AGBL1: variants seen among roughly 807,000 people sequenced by gnomAD.
AGBL1 encodes the protein AGBL carboxypeptidase 1.
AGBL1 carries 130 observed loss-of-function variants against 118.9 expected under a neutral mutation model. The observed-to-expected ratio is 1.09, with a 90% CI of 0.95 to 1.26. AGBL1 has a LOEUF of 1.26. AGBL1 is among the 50% of genes most tolerant of loss of function. The probability of loss-of-function intolerance (pLI) is 0.00; values close to 1 mark genes in which losing one functional copy is unlikely to be tolerated. For synonymous variants in AGBL1, 555 were observed against 478.9 expected (o/e 1.16, Z -2.08); for missense variants, 1,584 against 1,298.1 (o/e 1.22, Z -3.38).
At chr15:86,546,188 T>C in intron 20 of AGBL1, 55 bp downstream of exon 20, 3 of 1,544,774 alleles carry the variant, frequency 1.9e-6, no homozygotes, top group Non-Finnish European at 2.6e-6. Context: ...TCTTCATTCT[T>C]ACCTTTAAGA....
intron 23 of AGBL1, among the ~76,000 whole-genome samples, chr15:86,934,195 A>T (rs1004538780): frequency 7.2e-5 from 11 of 152,330 alleles, no homozygotes; most frequent in Non-Finnish European, 1.3e-4. Context: ...GAGTAAGTGA[A>T]TTCACCTCTC....
intron 22 of AGBL1, among the ~76,000 whole-genome samples, chr15:86,802,171 A>G (rs1209810031): frequency 1.3e-5 from 2 of 151,962 alleles, no homozygotes; most frequent in Admixed American, 6.6e-5. Context: ...GCAGCATTTT[A>G]TTTTTCAAGT....
rs565094547 is a variant in AGBL1, at chr15:86,832,359, C to A, written c.3159-74728C>A. On this transcript the variant is annotated intron_variant, in intron 22 of 22. Transcript: ENST00000614907. ...ATCATCAGGCTGCAAATTTTCTGAA[C>A]TTTTATATTTTTTGCTTCCCTTTTA... is the stretch of plus-strand genomic sequence containing the variant. Among the ~76,000 whole-genome samples the A allele has an allele frequency of 2.1e-4, 32 of 152,226 alleles. 1 individual carries two copies. The South Asian group carries it at 6.4e-3, about 31-fold the overall frequency.
rs182775456 is a variant in AGBL1, at chr15:86,859,818, A to G, written c.3159-47269A>G. On this transcript the variant is annotated intron_variant, in intron 22 of 22. Transcript: ENST00000614907. ...CACCTTGGTATTCTAGGGACAATAC[A>G]TGGCTTTGGAGTCAGACATGCTTGC... 9.2e-5 allele frequency among the ~76,000 whole-genome samples: 14 copies of G among 152,302 alleles called. No individual in the cohort carries two copies. In the East Asian group the frequency reaches 2.5e-3, roughly 27 times the overall value.
At chr15:86,165,563 C>G (rs2077329373) in intron 5 of AGBL1, among the ~76,000 whole-genome samples, 1 of 152,090 alleles carries the variant, frequency 6.6e-6, no homozygotes, top group Non-Finnish European at 1.5e-5. Flanking sequence ...AATGGAGATC[C>G]AAGTTAGAAG....
At chr15:86,710,133 C>T (rs766306593) in intron 22 of AGBL1, among the ~76,000 whole-genome samples, 4 of 152,016 alleles carry the variant, frequency 2.6e-5, no homozygotes, top group Admixed American at 6.6e-5. Flanking sequence ...CACTTTTTGT[C>T]GCACTCATCA....
rs1435786103 is a variant in AGBL1, at chr15:86,449,876, G to A, written c.2555+52330G>A. ...ATACTTTGGCTTGCTATGATGGCCAGTGACATCCATGGCTCTGTAGGCAGA... is the reference window on the plus strand; with the variant it reads ...ATACTTTGGCTTGCTATGATGGCCAATGACATCCATGGCTCTGTAGGCAGA... On this transcript the variant is annotated intron_variant, in intron 18 of 22. Transcript: ENST00000614907. Among the ~76,000 whole-genome samples the A allele has an allele frequency of 2.6e-5, 4 of 152,122 alleles. No individual in the cohort carries two copies. In the East Asian group the frequency reaches 7.7e-4, roughly 29 times the overall value.
chr15:86,255,997 G>A (rs2078889368), intron 7 of AGBL1, among the ~76,000 whole-genome samples: 1 of 152,084 alleles, frequency 6.6e-6, no homozygotes, highest in South Asian at 2.1e-4. Context: ...TGACTTATTG[G>A]CCTCAGAGCT....
At chr15:86,393,007 A>T (rs1255749808) in intron 17 of AGBL1, among the ~76,000 whole-genome samples, 1 of 152,128 alleles carries the variant, frequency 6.6e-6, no homozygotes, top group African/African-American at 2.4e-5. Context: ...TGCTGCTACA[A>T]TTGAATGGTC....
At chr15:86,219,338 G>A (rs759160372) in intron 5 of AGBL1, among the ~76,000 whole-genome samples, 11 of 152,120 alleles carry the variant, frequency 7.2e-5, no homozygotes, top group Non-Finnish European at 1.3e-4. Flanking sequence ...CAAAAATTAC[G>A]TTTGGACCAA....
At chr15:86,555,917 G>C (rs1422806845) in intron 21 of AGBL1, among the ~76,000 whole-genome samples, 1 of 152,018 alleles carries the variant, frequency 6.6e-6, no homozygotes, top group East Asian at 1.9e-4. Context: ...GAAAAAAAAA[G>C]CTTTAAATAT....
At chr15:86,777,461 T>A (rs1170296105) in intron 22 of AGBL1, among the ~76,000 whole-genome samples, 1 of 152,036 alleles carries the variant, frequency 6.6e-6, no homozygotes, top group African/African-American at 2.4e-5. Context: ...TCTTAGTCAT[T>A]ATTTAATTTT....
At chr15:86,785,534 A>G (rs970258785) in intron 22 of AGBL1, among the ~76,000 whole-genome samples, 8 of 151,312 alleles carry the variant, frequency 5.3e-5, no homozygotes, top group Admixed American at 5.3e-4. Flanking sequence ...ATCACCACTA[A>G]TTTTTGTATT....
intron 22 of AGBL1, among the ~76,000 whole-genome samples, chr15:86,842,740 C>A (rs7172891): frequency 0.23 from 35,434 of 152,074 alleles, 4,106 homozygotes; most frequent in East Asian, 0.33. Context: ...TCTTTCAATT[C>A]TCCAAATGCT....
intron 5 of AGBL1, among the ~76,000 whole-genome samples, chr15:86,189,318 A>G (rs1448730346): frequency 6.6e-6 from 1 of 152,214 alleles, no homozygotes; most frequent in Non-Finnish European, 1.5e-5. Context: ...AAGCCTGTAG[A>G]CACAAAGTGG....
intron 22 of AGBL1, among the ~76,000 whole-genome samples, chr15:86,740,256 CAGACCTTT>C (rs2077658434): frequency 1.3e-5 from 2 of 152,186 alleles, no homozygotes; most frequent in South Asian, 4.1e-4. Flanking sequence ...GGGATTGCCC[CAGACCTTT>C]CAGACATGGG....
At chr15:86,855,633 C>T (rs961904704) in intron 22 of AGBL1, among the ~76,000 whole-genome samples, 1 of 152,162 alleles carries the variant, frequency 6.6e-6, no homozygotes, top group Non-Finnish European at 1.5e-5. Flanking sequence ...TGTTTAATTG[C>T]ACATCAATTA....
intron 22 of AGBL1, among the ~76,000 whole-genome samples, chr15:86,730,396 A>G (rs549620393): frequency 6.6e-6 from 1 of 152,372 alleles, no homozygotes; most frequent in South Asian, 2.1e-4. Context: ...AGAAACTTAA[A>G]TAATCAAACA....
At chr15:86,570,273 C>A (rs1051854027) in intron 21 of AGBL1, among the ~76,000 whole-genome samples, 1 of 152,202 alleles carries the variant, frequency 6.6e-6, no homozygotes, top group Admixed American at 6.5e-5. Flanking sequence ...GACCTTGAAC[C>A]CAGCTATTGT....
Sources: allele counts gnomAD v4.1 joint callset (sites outside exome capture counted in the v4.1 genomes callset), GRCh38; gene constraint gnomAD v4.1.1; transcripts MANE v1.5; gene names NCBI Gene and HGNC (gene_info 2026-07-23, HGNC 2026-07-21).